Variants in FBXO17 observed in about 807,000 individuals in gnomAD.
FBXO17 encodes the protein F-box only protein 17.
A neutral mutation model predicts 34.1 loss-of-function variants in FBXO17; 43 were observed. The ratio of observed to expected loss-of-function variants is 1.26; its 90% CI spans 0.99 to 1.62. The LOEUF (loss-of-function observed/expected upper bound fraction) is 1.62. FBXO17 is among the 40% of genes most tolerant of loss of function. FBXO17 has a pLI of 0.00. For missense variants in FBXO17, 424 were observed against 386.7 expected (o/e 1.10, Z -0.81); for synonymous variants, 169 against 166.0 (o/e 1.02, Z -0.14).
chr19:38,967,670 G>T (rs563288282), intron 1 of FBXO17, among the ~76,000 whole-genome samples: 1 of 151,640 alleles, frequency 6.6e-6, no homozygotes, highest in African/African-American at 2.4e-5. Flanking sequence ...GCTCAAGTGA[G>T]TCTCCCATTT....
At chr19:38,953,394 A>G (rs959159475) in intron 1 of FBXO17, among the ~76,000 whole-genome samples, 3 of 150,392 alleles carry the variant, frequency 2.0e-5, no homozygotes, top group East Asian at 2.0e-4. Context: ...TGGGCACGGT[A>G]GCTCACACCT....
At chr19:38,969,572 T>C (rs1600206098) in intron 1 of FBXO17, among the ~76,000 whole-genome samples, 1 of 150,278 alleles carries the variant, frequency 6.7e-6, no homozygotes, top group Admixed American at 6.7e-5. Context: ...TTGGAATCAC[T>C]TTGGAAACCA....
chr19:38,954,563 C>T (rs1355624497), intron 1 of FBXO17, among the ~76,000 whole-genome samples: 1 of 146,454 alleles, frequency 6.8e-6, no homozygotes, highest in African/African-American at 2.5e-5. Context: ...AGCCACTGCG[C>T]CGGGCCGAGA....
rs1975053294 is a variant in FBXO17, at chr19:38,950,049, A to C, written c.271T>G (p.Phe91Val). 6.4e-7 allele frequency: 1 copy of C among 1,567,850 alleles called. No individual in the cohort carries two copies. Among genetic ancestry groups the C allele is most frequent in the Non-Finnish European group, 8.6e-7 (1 of 1,157,912 alleles). The change falls in exon 2 of 6, where the codon TTC becomes GTC. Residue 91 changes from phenylalanine (F) to valine (V), a missense_variant. Physicochemically the swap from Phe to Val is conservative, Grantham distance 50. Coordinates refer to ENST00000292852, the MANE Select transcript of FBXO17 (RefSeq NM_024907.7). ...CLPSNEDKEE[F>V]PLCALARYCL... The stretch of plus-strand genomic sequence containing the variant: ...TAGCGCGCCAGGGCGCACAGCGGGA[A>C]CTCCTCCTTGTCTTCGTTGCTGGGC...
intron 4 of FBXO17, chr19:38,946,097 G>A (rs1279191109): frequency 3.5e-6 from 1 of 283,824 alleles, no homozygotes; most frequent in African/African-American, 2.2e-5. Context: ...TCTGAAGCCA[G>A]TCCTGTCCCA....
chr19:38,944,383 C>T (rs1475881076), intron 5 of FBXO17, among the ~76,000 whole-genome samples: 2 of 152,078 alleles, frequency 1.3e-5, no homozygotes, highest in Non-Finnish European at 2.9e-5. Flanking sequence ...GCTGAGACTG[C>T]AGGTGCAAGT....
At chr19:38,944,944 G>T in intron 5 of FBXO17, 25 bp downstream of exon 5, 2 of 1,613,374 alleles carry the variant, frequency 1.2e-6, no homozygotes, top group Non-Finnish European at 1.7e-6. Context: ...GGGTCGGGGG[G>T]AGCTGGAAGC....
At chr19:38,961,766 A>AT (rs1231209069) in intron 1 of FBXO17, among the ~76,000 whole-genome samples, 7 of 151,510 alleles carry the variant, frequency 4.6e-5, no homozygotes, top group African/African-American at 9.7e-5. Context: ...GGTTCAAGAG[A>AT]TTTTTTCTAC....
At position 38,946,662 on chromosome 19, in the gene FBXO17, C is replaced by G. The variant is rs961992655; in HGVS notation, c.462-95G>C. 63 of 1,535,358 alleles carry G rather than the reference C, an allele frequency of 4.1e-5. No homozygotes were observed. The Middle Eastern group carries it at 6.8e-4, about 17-fold the overall frequency. Reference sequence around the variant, plus strand: ...CCTCCAAGAAGTCTCCCTTGATAACCCTCTCTAAAGCAGCCCTCAGGGTTT... The same window carrying G: ...CCTCCAAGAAGTCTCCCTTGATAACGCTCTCTAAAGCAGCCCTCAGGGTTT... On this transcript the variant is annotated intron_variant, in intron 3 of 5. Coordinates refer to ENST00000292852, the MANE Select transcript of FBXO17 (RefSeq NM_024907.7).
At position 38,945,106 on chromosome 19, in the gene FBXO17, T is replaced by C; in HGVS notation, c.558-2A>G. On this transcript the variant is annotated splice_acceptor_variant, in intron 4 of 5. Transcript: ENST00000292852. LOFTEE classifies it high-confidence loss of function. ...CCGCAGTTCTCTCGAGCGCCCCACC[T>C]GCCAGGCAGCAGTCAGCCTCTATGC... 6.2e-7 allele frequency: 1 copy of C among 1,614,014 alleles called. No individual in the cohort carries two copies. The highest frequency in any genetic ancestry group is 8.5e-7 in the Non-Finnish European group (1 of 1,179,984).
chr19:38,950,517 A>T lies in FBXO17; in HGVS notation c.-17-181T>A, dbSNP rs1487668458. ...CCAATCTTCCCCACTTGGGTAAAAG[A>T]CCCCTGGTCTGACTCTGACCCCCGT... is the stretch of plus-strand genomic sequence containing the variant. On this transcript the variant is annotated intron_variant, in intron 1 of 5. Transcript: ENST00000292852. Among the ~76,000 whole-genome samples, 3 of 152,024 alleles carry T rather than the reference A, an allele frequency of 2.0e-5. No individual in the cohort carries two copies. The East Asian group carries it at 5.8e-4, about 29-fold the overall frequency.
At chr19:38,957,263 C>T (rs974102966) in intron 1 of FBXO17, among the ~76,000 whole-genome samples, 4 of 152,172 alleles carry the variant, frequency 2.6e-5, no homozygotes, top group Admixed American at 6.5e-5. Context: ...ACAAGTCTAC[C>T]AGTCTGCCTG....
rs1283415051 is a variant in FBXO17 at position 38,941,495 on chromosome 19, T to C, written c.*1113A>G. ...CACATATTTATTGACAGCAAGCCAG[T>C]GATAAGCATTATTTCTATAGATTAT... On this transcript the variant is annotated 3_prime_UTR_variant, in exon 6 of 6. Transcript: ENST00000292852. 6.6e-6 allele frequency: 1 copy of C among 152,178 alleles called. No individual in the cohort carries two copies. The highest frequency in any genetic ancestry group is 1.5e-5 in the Non-Finnish European group (1 of 68,038). 9.4% of individuals were successfully genotyped at this position (152,178 alleles called of 1,614,324 possible).
intron 1 of FBXO17, among the ~76,000 whole-genome samples, chr19:38,955,670 G>T (rs947772276): frequency 2.0e-5 from 3 of 151,804 alleles, no homozygotes; most frequent in Non-Finnish European, 2.9e-5. Context: ...CGTTAGTAGA[G>T]ACAGGGTTTC....
chr19:38,952,484 TG>T, intron 1 of FBXO17: 1 of 529,000 alleles, frequency 1.9e-6, no homozygotes, highest in Non-Finnish European at 3.9e-6. Context: ...GCCTTCCAAG[TG>T]GGGAGGTCTC....
At chr19:38,955,802 A>G (rs1975159151) in intron 1 of FBXO17, among the ~76,000 whole-genome samples, 1 of 152,056 alleles carries the variant, frequency 6.6e-6, no homozygotes, top group Admixed American at 6.6e-5. Context: ...ACTTCTTGCT[A>G]TAAATTATAT....
intron 5 of FBXO17, among the ~76,000 whole-genome samples, chr19:38,943,174 T>C (rs1203366026): frequency 6.7e-6 from 1 of 149,460 alleles, no homozygotes; most frequent in Non-Finnish European, 1.5e-5. Flanking sequence ...AGGGAGGTCA[T>C]GGGCAGATCA....
intron 1 of FBXO17, among the ~76,000 whole-genome samples, chr19:38,966,541 A>G (rs192812133): frequency 6.6e-6 from 1 of 152,274 alleles, no homozygotes; most frequent in East Asian, 1.9e-4. Context: ...ATTTGCAAAG[A>G]TGTTCTAAAC....
At chr19:38,944,948 T>C in intron 5 of FBXO17, 21 bp downstream of exon 5, 1 of 1,613,276 alleles carries the variant, frequency 6.2e-7, no homozygotes, top group East Asian at 2.2e-5. Context: ...CGGGGGGAGC[T>C]GGAAGCTAGT....
Sources: allele counts gnomAD v4.1 joint callset (sites outside exome capture counted in the v4.1 genomes callset), GRCh38; gene constraint gnomAD v4.1.1; transcripts MANE v1.5; gene names NCBI Gene and HGNC (gene_info 2026-07-23, HGNC 2026-07-21).